ANK3: variants seen among roughly 807,000 people sequenced by gnomAD.
The protein encoded by ANK3 is ankyrin 3.
ANK3 carries 57 observed loss-of-function variants against 370.9 expected under a neutral mutation model. The ratio of observed to expected loss-of-function variants is 0.15; its 90% CI spans 0.12 to 0.19. ANK3 has a LOEUF of 0.19. Among genes scored for constraint, ANK3 ranks in the 10% least tolerant of loss-of-function variants. ANK3 has a pLI of 1.00. For synonymous variants in ANK3, 1,929 were observed against 1,946.3 expected (o/e 0.99, Z 0.23); for missense variants, 4,439 against 5,302.1 (o/e 0.84, Z 5.06).
At chr10:60,157,714 G>A (rs979550845) in intron 23 of ANK3, among the ~76,000 whole-genome samples, 1 of 151,712 alleles carries the variant, frequency 6.6e-6, no homozygotes, top group Non-Finnish European at 1.5e-5. Context: ...TCAAGCAGAA[G>A]AAAGAATTAA....
chr10:60,627,499 A>C (rs1476969267), intron 1 of ANK3, among the ~76,000 whole-genome samples: 1 of 152,154 alleles, frequency 6.6e-6, no homozygotes, highest in Non-Finnish European at 1.5e-5. Flanking sequence ...AAGGCTAATT[A>C]ATCATTGTTG....
intron 2 of ANK3, among the ~76,000 whole-genome samples, chr10:60,493,694 CTATA>C (rs1354653226): frequency 6.6e-6 from 1 of 151,574 alleles, no homozygotes; most frequent in East Asian, 1.9e-4. Flanking sequence ...AATGGGTTGG[CTATA>C]TAGAGATGTA....
At chr10:60,426,423 C>T (rs2063889333) in intron 2 of ANK3, among the ~76,000 whole-genome samples, 1 of 152,110 alleles carries the variant, frequency 6.6e-6, no homozygotes. Flanking sequence ...TTTCTCATCT[C>T]ATAATTGCAT....
Position 60,716,963 on chromosome 10 carries a change from G to A in ANK3, c.57+16300C>T, listed in dbSNP as rs113929421. Among the ~76,000 whole-genome samples, 666 of 152,264 alleles carry A rather than the reference G, an allele frequency of 4.4e-3. 6 individuals carry two copies. Among genetic ancestry groups the A allele is most frequent in the African/African-American group, 0.015 (639 of 41,548 alleles). On this transcript the variant is annotated intron_variant, in intron 1 of 43. Transcript: ENST00000373827. Reference sequence around the variant, plus strand: ...GGCTCATAAGAAACATCTAAAGAGCGGAGACCCAGCAATTGCTACTTATAC... The same window carrying A: ...GGCTCATAAGAAACATCTAAAGAGCAGAGACCCAGCAATTGCTACTTATAC...
chr10:60,269,480 C>CT (rs2097929961), intron 5 of ANK3, among the ~76,000 whole-genome samples: 1 of 152,012 alleles, frequency 6.6e-6, no homozygotes, highest in South Asian at 2.1e-4. Context: ...CCTGTCTCTA[C>CT]TAAAAGCACA....
intron 2 of ANK3, among the ~76,000 whole-genome samples, chr10:60,560,063 G>GGATA (rs1046705986): frequency 6.6e-6 from 1 of 151,468 alleles, no homozygotes; most frequent in Non-Finnish European, 1.5e-5. Flanking sequence ...ATAGATAGAT[G>GGATA]GATAGAGAGA....
chr10:60,299,651 C>A (rs943392491), intron 1 of ANK3, among the ~76,000 whole-genome samples: 4 of 152,126 alleles, frequency 2.6e-5, no homozygotes, highest in African/African-American at 9.7e-5. Flanking sequence ...TCAAATACTT[C>A]AAAATTTCAC....
intron 2 of ANK3, among the ~76,000 whole-genome samples, chr10:60,605,891 T>C (rs2078122532): frequency 6.6e-6 from 1 of 152,220 alleles, no homozygotes; most frequent in African/African-American, 2.4e-5. Flanking sequence ...AACTTCTGAA[T>C]ACTCTTTATG....
intron 1 of ANK3, among the ~76,000 whole-genome samples, chr10:60,633,646 A>T (rs1588948571): frequency 6.6e-6 from 1 of 152,176 alleles, no homozygotes; most frequent in Non-Finnish European, 1.5e-5. Context: ...CAAGGATTTT[A>T]AAAAAATAGA....
intron 2 of ANK3, among the ~76,000 whole-genome samples, chr10:60,540,081 C>T (rs1394335957): frequency 6.6e-6 from 1 of 151,802 alleles, no homozygotes; most frequent in African/African-American, 2.4e-5. Flanking sequence ...ATGACAGGCT[C>T]CTTCACCTTC....
intron 2 of ANK3, among the ~76,000 whole-genome samples, chr10:60,562,277 C>T (rs2077352989): frequency 6.6e-6 from 1 of 152,168 alleles, no homozygotes; most frequent in Non-Finnish European, 1.5e-5. Flanking sequence ...ATTTCACTAT[C>T]AAAACTCTTC....
chr10:60,434,799 T>C (rs2064117079), intron 2 of ANK3, among the ~76,000 whole-genome samples: 1 of 152,240 alleles, frequency 6.6e-6, no homozygotes, highest in Admixed American at 6.5e-5. Flanking sequence ...CTGCAATAAC[T>C]TTACACTTTA....
intron 1 of ANK3, among the ~76,000 whole-genome samples, chr10:60,682,543 C>T (rs545404598): frequency 6.6e-6 from 1 of 152,232 alleles, no homozygotes; most frequent in South Asian, 2.1e-4. Flanking sequence ...CTTACCTTCT[C>T]CTGCCCTCCT....
At chr10:60,549,499 A>G (rs2077043528) in intron 2 of ANK3, among the ~76,000 whole-genome samples, 1 of 152,116 alleles carries the variant, frequency 6.6e-6, no homozygotes, top group South Asian at 2.1e-4. Flanking sequence ...TACCTCTGGG[A>G]AAAGGCCTAG....
chr10:60,727,751 A>G (rs1389903700), intron 1 of ANK3, among the ~76,000 whole-genome samples: 6 of 152,154 alleles, frequency 3.9e-5, no homozygotes, highest in African/African-American at 1.4e-4. Context: ...TTAAGGATCT[A>G]CTTGGCATTT....
chr10:60,471,258 C>A (rs191116656), intron 2 of ANK3, among the ~76,000 whole-genome samples: 1 of 152,094 alleles, frequency 6.6e-6, no homozygotes, highest in African/African-American at 2.4e-5. Context: ...AGAGTTCTTG[C>A]GCATAGTCCC....
At chr10:60,733,335 C>G (rs2080055166) in exon 1 of ANK3, 2 of 1,233,094 alleles carry the variant, frequency 1.6e-6, no homozygotes, top group Middle Eastern at 2.8e-4. Context: ...GGGGCTGCTG[C>G]TGCTGCTCCT....
chr10:60,199,766 C>T (rs760811193), intron 13 of ANK3, among the ~76,000 whole-genome samples: 19 of 151,870 alleles, frequency 1.3e-4, no homozygotes, highest in Admixed American at 3.9e-4. Flanking sequence ...ACCAGAAAAG[C>T]TCAGTTATGC....
chr10:60,695,472 C>T (rs1172532232), intron 1 of ANK3, among the ~76,000 whole-genome samples: 1 of 152,126 alleles, frequency 6.6e-6, no homozygotes, highest in Non-Finnish European at 1.5e-5. Context: ...CACACCACAC[C>T]TATTCCAAAA....
Sources: allele counts gnomAD v4.1 joint callset (sites outside exome capture counted in the v4.1 genomes callset), GRCh38; gene constraint gnomAD v4.1.1; transcripts MANE v1.5; gene names NCBI Gene and HGNC (gene_info 2026-07-23, HGNC 2026-07-21).